Variants in PICALM observed in about 807,000 individuals in gnomAD.
The protein encoded by PICALM is phosphatidylinositol-binding clathrin assembly protein.
A neutral mutation model predicts 80.5 loss-of-function variants in PICALM; 40 were observed. The observed-to-expected ratio is 0.50, with a 90% CI of 0.39 to 0.65. The LOEUF (loss-of-function observed/expected upper bound fraction) is 0.65, where lower values mean the gene tolerates loss of function less well. Ranked by LOEUF, PICALM falls within the 30% of genes least tolerant of loss-of-function variation. PICALM has a pLI of 0.00. For synonymous variants in PICALM, 288 were observed against 260.3 expected (o/e 1.11, Z -1.02); for missense variants, 676 against 778.9 (o/e 0.87, Z 1.57).
chr11:86,036,945 C>CAAAAAAAAAAAA (rs57778395), intron 1 of PICALM, among the ~76,000 whole-genome samples: 1 of 125,936 alleles, frequency 7.9e-6, no homozygotes, highest in African/African-American at 3.2e-5. Context: ...CAACAACAAC[C>CAAAAAAAAAAAA]AAAAAAAAAA....
At chr11:86,063,579 GA>G (rs2096400894) in intron 1 of PICALM, among the ~76,000 whole-genome samples, 1 of 152,162 alleles carries the variant, frequency 6.6e-6, no homozygotes, top group East Asian at 1.9e-4. Context: ...TATCTGGGAG[GA>G]AAAAGGATAC....
At chr11:86,029,728 GAAGAA>G (rs796625754) in intron 2 of PICALM, among the ~76,000 whole-genome samples, 3 of 152,250 alleles carry the variant, frequency 2.0e-5, no homozygotes, top group African/African-American at 7.2e-5. Context: ...TAAAGAAGAA[GAAGAA>G]AAGTACATAC....
At chr11:86,015,017 T>C in intron 4 of PICALM, 54 bp from the exon 5 acceptor site, 1 of 1,038,414 alleles carries the variant, frequency 9.6e-7, no homozygotes, top group Non-Finnish European at 1.4e-6. Context: ...TAAATCTACA[T>C]TTCAAACTCC....
intron 13 of PICALM, among the ~76,000 whole-genome samples, chr11:85,986,365 A>ATTTTTTTTTTTTTTTTTTTTT (rs775072780): frequency 5.4e-5 from 4 of 73,748 alleles, no homozygotes; most frequent in South Asian, 6.2e-4. Context: ...CCAACTTTTA[A>ATTTTTTTTTTTTTTTTTTTTT]TTTTTTTTTT....
intron 1 of PICALM, among the ~76,000 whole-genome samples, chr11:86,051,915 C>T (rs2096195359): frequency 6.6e-6 from 1 of 152,122 alleles, no homozygotes; most frequent in Non-Finnish European, 1.5e-5. Flanking sequence ...GAAAATAAAG[C>T]CAATAAGACT....
rs533969145 is a variant in PICALM, at chr11:85,989,308, C to T, written c.1408+942G>A. ...CACCTGACTTGGAACTTTGTCTGAT[C>T]TACTAACTTGCTTTCTAGTTAATTC... On this transcript the variant is annotated intron_variant, in intron 13 of 19. Coordinates refer to ENST00000393346, the MANE Select transcript of PICALM (RefSeq NM_007166.4). Among the ~76,000 whole-genome samples the T allele has an allele frequency of 2.0e-5, 3 of 152,298 alleles. No homozygotes were observed. In the South Asian group the frequency reaches 6.2e-4, roughly 32 times the overall value.
intron 1 of PICALM, among the ~76,000 whole-genome samples, chr11:86,065,625 A>T (rs909039050): frequency 7.9e-5 from 12 of 152,152 alleles, no homozygotes; most frequent in African/African-American, 2.9e-4. Context: ...TTCAAATATA[A>T]GGGCTGCTAT....
chr11:86,036,945 C>CACAAAAAAA (rs1205974216), intron 1 of PICALM, among the ~76,000 whole-genome samples: 5 of 125,914 alleles, frequency 4.0e-5, no homozygotes, highest in Non-Finnish European at 8.1e-5. Context: ...CAACAACAAC[C>CACAAAAAAA]AAAAAAAAAA....
intron 13 of PICALM, among the ~76,000 whole-genome samples, chr11:85,985,632 T>C (rs902047764): frequency 6.6e-6 from 1 of 150,624 alleles, no homozygotes; most frequent in Non-Finnish European, 1.5e-5. Flanking sequence ...GCAAGGTGTT[T>C]AAGAATTATG....
chr11:86,034,522 A>C (rs2095809264), intron 1 of PICALM, among the ~76,000 whole-genome samples: 1 of 152,192 alleles, frequency 6.6e-6, no homozygotes, highest in Non-Finnish European at 1.5e-5. Context: ...AACTGTAACG[A>C]TTTCCCTTGC....
In PICALM at chr11:85,969,718, T is replaced by C. The variant is rs545750022; in HGVS notation, c.1944+4990A>G. On this transcript the variant is annotated intron_variant, in intron 19 of 19. Transcript: ENST00000393346. The stretch of plus-strand genomic sequence containing the variant: ...CTTTTTAAAAAACAGACAGTCTCAC[T>C]ATGTTGCCCAGGTTGGTCTGGAACT... 9.9e-4 allele frequency: 379 copies of C among 382,710 alleles called. 4 individuals carry two copies. Among genetic ancestry groups the C allele is most frequent in the South Asian group, 6.7e-3 (326 of 48,376 alleles). 23.7% of individuals were successfully genotyped at this position (382,710 alleles called of 1,614,324 possible). A position where few individuals can be genotyped will look rare whatever the true frequency, so the allele number is the denominator to read the frequency against.
At chr11:86,001,001 C>T (rs1342239053) in intron 10 of PICALM, 34 bp downstream of exon 10, 1 of 1,611,546 alleles carries the variant, frequency 6.2e-7, no homozygotes, top group South Asian at 1.1e-5. Context: ...CACCTGTACT[C>T]ATTTTTCGAA....
At chr11:85,998,404 C>A (rs1442143073) in intron 11 of PICALM, among the ~76,000 whole-genome samples, 5 of 151,954 alleles carry the variant, frequency 3.3e-5, no homozygotes, top group Non-Finnish European at 5.9e-5. Flanking sequence ...AGCCACCATG[C>A]CCGGCCGACT....
At chr11:85,986,052 G>A (rs1380289082) in intron 13 of PICALM, among the ~76,000 whole-genome samples, 2 of 151,908 alleles carry the variant, frequency 1.3e-5, no homozygotes, top group Admixed American at 1.3e-4. Flanking sequence ...AGTATACAAG[G>A]TTAGAAAGAC....
At chr11:85,989,244 T>C (rs1484627787) in intron 13 of PICALM, among the ~76,000 whole-genome samples, 2 of 152,230 alleles carry the variant, frequency 1.3e-5, no homozygotes, top group African/African-American at 4.8e-5. Context: ...TTTGGATATA[T>C]ATGTGTTTTA....
At chr11:86,011,164 T>C in intron 6 of PICALM, 28 bp from the exon 7 acceptor site, 2 of 999,816 alleles carry the variant, frequency 2.0e-6, no homozygotes, top group Non-Finnish European at 3.0e-6. Flanking sequence ...AAAATTCTTT[T>C]GTTCACATCA....
At chr11:85,960,923 GT>G in intron 19 of PICALM, 1 of 303,666 alleles carries the variant, frequency 3.3e-6, no homozygotes, top group Non-Finnish European at 6.4e-6. Context: ...AAAATGGATT[GT>G]TAAGACAAAA....
intron 1 of PICALM, among the ~76,000 whole-genome samples, chr11:86,066,399 A>G (rs1218845772): frequency 1.3e-5 from 2 of 152,202 alleles, no homozygotes; most frequent in African/African-American, 4.8e-5. Flanking sequence ...AGGTATATTC[A>G]AGTTCCAAAA....
rs187074205 is a variant in PICALM at position 85,997,156 on chromosome 11, A to G, written c.1155-227T>C. 1.3e-3 allele frequency among the ~76,000 whole-genome samples: 203 copies of G among 152,354 alleles called. 1 individual carries two copies. The highest frequency in any genetic ancestry group is 4.8e-3 in the African/African-American group (198 of 41,590). The stretch of plus-strand genomic sequence containing the variant: ...TAAGTTTATATAAGATTCAAAGAAC[A>G]GTAGCTCTTCTGAAAAGGATGAATG... On this transcript the variant is annotated intron_variant, in intron 11 of 19. Transcript: ENST00000393346.
Sources: allele counts gnomAD v4.1 joint callset (sites outside exome capture counted in the v4.1 genomes callset), GRCh38; gene constraint gnomAD v4.1.1; transcripts MANE v1.5; gene names NCBI Gene and HGNC (gene_info 2026-07-23, HGNC 2026-07-21).